The following NEK5 variants were observed in gnomAD, a reference collection of about 807,000 sequenced individuals.
The protein encoded by NEK5 is serine/threonine-protein kinase Nek5.
In NEK5, 88 loss-of-function variants were observed where a neutral mutation model predicts 109.2. The observed-to-expected ratio is 0.81, with a 90% CI of 0.68 to 0.96. The LOEUF (loss-of-function observed/expected upper bound fraction) is 0.96, where lower values mean the gene tolerates loss of function less well. Among genes scored for constraint, NEK5 ranks in the 40% least tolerant of loss-of-function variants. The pLI is 0.00. For missense variants in NEK5, 834 were observed against 920.7 expected, an observed-to-expected ratio of 0.91 and a Z score of 1.22; for synonymous variants, 283 against 299.9, an observed-to-expected ratio of 0.94 and a Z score of 0.58.
At chr13:52,102,632 G>A (rs1034152826) in intron 9 of NEK5, among the ~76,000 whole-genome samples, 4 of 152,208 alleles carry the variant, frequency 2.6e-5, no homozygotes, top group African/African-American at 9.6e-5. Context: ...GGTCAAAGCT[G>A]CAGTAAGCCG....
chr13:52,056,434 G>T (rs1197745509), intron 22 of NEK5, among the ~76,000 whole-genome samples: 1 of 150,796 alleles, frequency 6.6e-6, no homozygotes, highest in Non-Finnish European at 1.5e-5. Context: ...ACTCAGCTCT[G>T]CACCAAGCGG....
intron 20 of NEK5, among the ~76,000 whole-genome samples, chr13:52,071,650 T>G (rs143644116): frequency 6.6e-6 from 1 of 152,310 alleles, no homozygotes; most frequent in East Asian, 1.9e-4. Context: ...TGGCAACACT[T>G]GTCCATGGAG....
Position 52,053,730 on chromosome 13 carries a change from G to A in NEK5, c.2111-3509C>T, listed in dbSNP as rs545820024. ...AAGATAAGTCATTGGAACAAGTCAC[G>A]TAGACTTGCACCATCTCGCCCCACA... On this transcript the variant is annotated intron_variant, in intron 22 of 23. Transcript: ENST00000684899. 6.8e-4 allele frequency among the ~76,000 whole-genome samples: 103 copies of A among 152,270 alleles called. 1 individual carries two copies. Among genetic ancestry groups the A allele is most frequent in the African/African-American group, 2.1e-3 (89 of 41,556 alleles).
rs777620965 is a variant in NEK5 at position 52,065,487 on chromosome 13, C to G, written c.1972G>C (p.Asp658His). The G allele has an allele frequency of 4.3e-6, 7 of 1,614,050 alleles. No individual in the cohort carries two copies. The highest frequency in any genetic ancestry group is 5.9e-6 in the Non-Finnish European group (7 of 1,179,980). Residue 658 changes from aspartate to histidine, a missense_variant, in exon 21 of 24, where the codon GAC becomes CAC. Physicochemically the swap from Asp to His is moderately conservative, Grantham distance 81 (BLOSUM62 -1). Around this residue, in one of 2 missense-constraint regions of NEK5, gnomAD observed 777 missense variants for 824.7 expected, o/e 0.94. Transcript: ENST00000684899. ...DITSTCPTGP[D>H]NGQVIVIEGI... ...CTGACGCTAAGCACAGACTCACTGTCAGGCCCCGTGGGGCAGGTGGAGGTG... is the reference window on the plus strand; with the variant it reads ...CTGACGCTAAGCACAGACTCACTGTGAGGCCCCGTGGGGCAGGTGGAGGTG...
chr13:52,076,263 T>C (rs576678082), intron 17 of NEK5, 120 bp from the exon 18 acceptor site: 1 of 578,212 alleles, frequency 1.7e-6, no homozygotes, highest in African/African-American at 1.9e-5. Context: ...AAGTTAATAA[T>C]AATTAACTAA....
intron 20 of NEK5, 40 bp from the exon 21 acceptor site, chr13:52,065,649 A>G (rs1325846898): frequency 6.3e-6 from 9 of 1,435,568 alleles, no homozygotes; most frequent in Non-Finnish European, 8.8e-6. Context: ...GAAAGCAGTC[A>G]AAGTGTGACT....
intron 12 of NEK5, among the ~76,000 whole-genome samples, chr13:52,096,845 G>A (rs1039272840): frequency 1.3e-5 from 2 of 152,172 alleles, no homozygotes; most frequent in Non-Finnish European, 2.9e-5. Context: ...TGCCTTGAAG[G>A]CATTTCAGAG....
intron 13 of NEK5, among the ~76,000 whole-genome samples, chr13:52,092,200 A>G (rs1955298029): frequency 6.6e-6 from 1 of 151,460 alleles, no homozygotes; most frequent in Non-Finnish European, 1.5e-5. Flanking sequence ...CAATTGTAAT[A>G]ATCTATCAAC....
chr13:52,101,129 T>G (rs1955519471), intron 11 of NEK5, among the ~76,000 whole-genome samples: 1 of 152,200 alleles, frequency 6.6e-6, no homozygotes, highest in Admixed American at 6.6e-5. Flanking sequence ...CCTGGCGCGG[T>G]GGCTCACGCC....
At chr13:52,103,139 T>TAC (rs1330904905) in intron 9 of NEK5, among the ~76,000 whole-genome samples, 2 of 152,136 alleles carry the variant, frequency 1.3e-5, no homozygotes, top group Non-Finnish European at 2.9e-5. Context: ...GCAATAAAGG[T>TAC]ACACATTGGC....
chr13:52,117,077 C>T (rs1955874259), intron 4 of NEK5, among the ~76,000 whole-genome samples: 1 of 152,124 alleles, frequency 6.6e-6, no homozygotes, highest in Non-Finnish European at 1.5e-5. Flanking sequence ...CACCACCATG[C>T]CCGGCTAAAC....
intron 23 of NEK5, among the ~76,000 whole-genome samples, chr13:52,044,210 C>T (rs1415279107): frequency 6.6e-6 from 1 of 152,212 alleles, no homozygotes; most frequent in African/African-American, 2.4e-5. Context: ...TGGCTCTCCT[C>T]TCTCCTCAGC....
intron 7 of NEK5, 30 bp from the exon 8 acceptor site, chr13:52,108,434 C>T (rs1789961519): frequency 7.3e-7 from 1 of 1,374,086 alleles, no homozygotes; most frequent in African/African-American, 1.4e-5. Flanking sequence ...AATAAATCAG[C>T]ATGATTTTTT....
At chr13:52,125,551 A>C (rs906423365) in intron 3 of NEK5, among the ~76,000 whole-genome samples, 2 of 152,210 alleles carry the variant, frequency 1.3e-5, no homozygotes, top group African/African-American at 2.4e-5. Flanking sequence ...CGACAGAGCG[A>C]GACTCCACCT....
chr13:52,113,993 T>A (rs772332430), intron 4 of NEK5, among the ~76,000 whole-genome samples: 6 of 152,336 alleles, frequency 3.9e-5, no homozygotes, highest in Non-Finnish European at 7.3e-5. Flanking sequence ...GAAATAAATT[T>A]CTGCTGTTTA....
intron 21 of NEK5, among the ~76,000 whole-genome samples, chr13:52,062,326 G>T (rs972778691): frequency 6.6e-6 from 1 of 152,140 alleles, no homozygotes; most frequent in Non-Finnish European, 1.5e-5. Context: ...CTCAGCCCAT[G>T]TTATCAAGAA....
At chr13:52,123,781 G>C (rs1956014734) in intron 3 of NEK5, among the ~76,000 whole-genome samples, 1 of 150,258 alleles carries the variant, frequency 6.7e-6, no homozygotes, top group Non-Finnish European at 1.5e-5. Flanking sequence ...CAAGTTTACA[G>C]AGAAGGATAA....
At chr13:52,068,284 G>A (rs1249918673) in intron 20 of NEK5, among the ~76,000 whole-genome samples, 1 of 152,012 alleles carries the variant, frequency 6.6e-6, no homozygotes, top group Admixed American at 6.6e-5. Context: ...AGAGTTCTGG[G>A]TAATACCTCA....
At chr13:52,081,281 A>G (rs557860971) in intron 17 of NEK5, among the ~76,000 whole-genome samples, 9 of 152,382 alleles carry the variant, frequency 5.9e-5, no homozygotes, top group East Asian at 5.8e-4. Context: ...AAATTAAGTG[A>G]TAATTATTTC....
Sources: allele counts gnomAD v4.1 joint callset (sites outside exome capture counted in the v4.1 genomes callset), GRCh38; gene constraint gnomAD v4.1.1; regional missense constraint gnomAD v4.1.1; transcripts MANE v1.5; gene names NCBI Gene and HGNC (gene_info 2026-07-23, HGNC 2026-07-21).